The following CALCOCO2 variants were observed in gnomAD, a reference collection of about 807,000 sequenced individuals.
The protein encoded by CALCOCO2 is calcium-binding and coiled-coil domain-containing protein 2.
A neutral mutation model predicts 62.5 loss-of-function variants in CALCOCO2; 42 were observed. The ratio of observed to expected loss-of-function variants is 0.67; its 90% CI spans 0.53 to 0.87. The LOEUF is 0.87. CALCOCO2 is among the 40% of genes least tolerant of loss of function. The pLI, the probability that CALCOCO2 is intolerant of heterozygous loss-of-function variation, is 0.00. For synonymous variants in CALCOCO2, 167 were observed against 173.0 expected, an observed-to-expected ratio of 0.97 and a Z score of 0.27; for missense variants, 456 against 515.0, an observed-to-expected ratio of 0.89 and a Z score of 1.11.
chr17:48,835,605 C>G (rs550982864), intron 1 of CALCOCO2, among the ~76,000 whole-genome samples: 1 of 152,278 alleles, frequency 6.6e-6, no homozygotes, highest in South Asian at 2.1e-4. Context: ...ATGAAAATAG[C>G]TAGAATTTCC....
intron 2 of CALCOCO2, among the ~76,000 whole-genome samples, chr17:48,845,540 A>T (rs1461392084): frequency 1.3e-5 from 2 of 149,396 alleles, no homozygotes; most frequent in African/African-American, 5.1e-5. Flanking sequence ...GACCAGCCGG[A>T]CCAACATGGA....
At chr17:48,837,086 T>C (rs1483237130) in intron 1 of CALCOCO2, among the ~76,000 whole-genome samples, 2 of 152,234 alleles carry the variant, frequency 1.3e-5, no homozygotes, top group Middle Eastern at 3.4e-3. Flanking sequence ...AACACTCTTA[T>C]CTGAGTGTTC....
chr17:48,852,843 A>G, intron 8 of CALCOCO2, 83 bp from the exon 9 acceptor site: 1 of 1,137,810 alleles, frequency 8.8e-7, no homozygotes, highest in African/African-American at 1.5e-5. Flanking sequence ...CTGCTTGCTC[A>G]TTAGCTTAGC....
intron 1 of CALCOCO2, among the ~76,000 whole-genome samples, chr17:48,832,679 C>G (rs1267373266): frequency 6.6e-6 from 1 of 152,140 alleles, no homozygotes; most frequent in Non-Finnish European, 1.5e-5. Flanking sequence ...TAGCCTAGTC[C>G]CCTTTCCACC....
intron 5 of CALCOCO2, among the ~76,000 whole-genome samples, chr17:48,850,783 T>C (rs1161304346): frequency 2.0e-5 from 3 of 152,060 alleles, no homozygotes; most frequent in African/African-American, 7.2e-5. Context: ...CCAGGCGCAG[T>C]GGCTCATGCC....
At position 48,849,307 on chromosome 17, in the gene CALCOCO2, A is replaced by T. The variant is rs773271340; in HGVS notation, c.473A>T (p.Glu158Val). Reference sequence around the variant, plus strand: ...AAGGAGCTTTGCAAAGAAAACCAGGAGCTGAAGGACAGCTGTATCAGCCTC... The same window carrying T: ...AAGGAGCTTTGCAAAGAAAACCAGGTGCTGAAGGACAGCTGTATCAGCCTC... The part of the protein sequence containing the change: ...HNKELCKENQ[E>V]LKDSCISLQK... Residue 158 changes from glutamate to valine, a missense_variant, in exon 5 of 13, where the codon GAG becomes GTG. Glu to Val is a moderately radical substitution (Grantham distance 121). Around this residue, in one of 3 missense-constraint regions of CALCOCO2, gnomAD observed 236 missense variants for 225.3 expected, o/e 1.05. Coordinates refer to ENST00000258947, the MANE Select transcript of CALCOCO2 (RefSeq NM_005831.5). The T allele has an allele frequency of 2.6e-5, 42 of 1,613,546 alleles. No individual in the cohort carries two copies. The highest frequency in any genetic ancestry group is 3.3e-5 in the Non-Finnish European group (39 of 1,179,638).
In CALCOCO2 at chr17:48,862,995, A is replaced by G. The variant is rs2040349695; in HGVS notation, c.1331A>G (p.His444Arg). The G allele has an allele frequency of 6.2e-7, 1 of 1,611,562 alleles. No homozygotes were observed. The highest frequency in any genetic ancestry group is 8.5e-7 in the Non-Finnish European group (1 of 1,177,750). Residue 444 changes from histidine (H) to arginine (R), a missense_variant, in exon 13 of 13, where the codon CAC (histidine) becomes CGC (arginine). By Grantham distance (29) the His-to-Arg change is conservative (BLOSUM62 0). Coordinates refer to ENST00000258947, the MANE Select transcript of CALCOCO2 (RefSeq NM_005831.5). ...ATCTTTGAAGACCACGTGTTCTGCC[A>G]CTCTCTCTGAGTATCCCAACCTCTT... ...KQIFEDHVFC[H>R]SL
chr17:48,855,186 C>T (rs558020995), intron 9 of CALCOCO2, among the ~76,000 whole-genome samples: 7 of 152,270 alleles, frequency 4.6e-5, no homozygotes, highest in African/African-American at 1.7e-4. Flanking sequence ...AACTTAGCCA[C>T]AGGTCTCAGG....
chr17:48,846,382 A>AAGC (rs1285107184), intron 2 of CALCOCO2: 1 of 700,726 alleles, frequency 1.4e-6, no homozygotes, highest in African/African-American at 1.8e-5. Flanking sequence ...CTAAAGCAGG[A>AAGC]AGCAGTCTGC....
chr17:48,858,039 GAATAGAAAATAGAATA>G (rs2040258950), intron 10 of CALCOCO2, among the ~76,000 whole-genome samples: 2 of 21,646 alleles, frequency 9.2e-5, no homozygotes, highest in South Asian at 3.7e-3. Context: ...GAATAGAATA[GAATAGAAAATAGAATA>G]GAATAGAATA....
chr17:48,856,186 A>G lies in CALCOCO2; in HGVS notation c.1007A>G (p.Asp336Gly). The G allele has an allele frequency of 6.4e-7, 1 of 1,560,434 alleles. No individual in the cohort carries two copies. The highest frequency in any genetic ancestry group is 8.8e-7 in the Non-Finnish European group (1 of 1,132,520). Residue 336 changes from aspartate (D) to glycine (G), a missense_variant and splice_region_variant, in exon 10 of 13, where the codon GAT (aspartate) becomes GGT (glycine). By Grantham distance (94) the Asp-to-Gly change is moderately conservative. This residue lies in a region of CALCOCO2 where 172 missense variants were observed against 210.3 expected (regional missense o/e 0.82). Coordinates refer to ENST00000258947, the MANE Select transcript of CALCOCO2 (RefSeq NM_005831.5). ...RQKERLEGEN[D>G]LLKRENSRLL... ...AAAGAGAGATTGGAAGGAGAAAATGATGTAAGTGTGTGAAAGAGGGTATAA... is the reference window on the plus strand; with the variant it reads ...AAAGAGAGATTGGAAGGAGAAAATGGTGTAAGTGTGTGAAAGAGGGTATAA...
rs766882296 is a variant in CALCOCO2, at chr17:48,851,095, C to G, written c.550C>G (p.Leu184Val). The change falls in exon 6 of 13, where the codon CTA (leucine) becomes GTA (valine). Residue 184 changes from leucine to valine, a missense_variant. Around this residue, in one of 3 missense-constraint regions of CALCOCO2, gnomAD observed 236 missense variants for 225.3 expected, o/e 1.05. Transcript: ENST00000258947. ...QAELQKKQEE[L>V]ETLQSINKKL... ...ATGTTGTTTCAATCTATAGGAGGAG[C>G]TAGAAACCCTACAGAGCATCAATAA... 8 of 1,587,974 alleles carry G rather than the reference C, an allele frequency of 5.0e-6. No individual in the cohort carries two copies. Among genetic ancestry groups the G allele is most frequent in the Non-Finnish European group, 6.1e-6 (7 of 1,156,396 alleles).
intron 4 of CALCOCO2, 73 bp from the exon 5 acceptor site, chr17:48,849,179 C>A (rs2040092452): frequency 6.8e-7 from 1 of 1,473,202 alleles, no homozygotes; most frequent in East Asian, 2.3e-5. Flanking sequence ...CAGCCAGTCC[C>A]TCACCATCCT....
In CALCOCO2 at chr17:48,860,030, G is replaced by T. The variant is rs553090174; in HGVS notation, c.1009-284G>T. ...AATCACTTGAACCTGGGAGACGGAG[G>T]TTGCAGTGAGCCGAGATGGTGCCAC... On this transcript the variant is annotated intron_variant, in intron 10 of 12. Transcript: ENST00000258947. 1.4e-4 allele frequency among the ~76,000 whole-genome samples: 21 copies of T among 152,304 alleles called. No individual in the cohort carries two copies. The East Asian group carries it at 4.0e-3, about 29-fold the overall frequency.
In CALCOCO2 at chr17:48,862,911, A is replaced by G; in HGVS notation, c.1247A>G (p.Gln416Arg). Reference sequence around the variant, plus strand: ...CACACCTTGGAGCAACAGCAGATGCAGCCCCTTTGTTTCAATTGTCCAATT... The same window carrying G: ...CACACCTTGGAGCAACAGCAGATGCGGCCCCTTTGTTTCAATTGTCCAATT... ...CDHTLEQQQM[Q>R]PLCFNCPICD... Residue 416 changes from glutamine (Q) to arginine (R), a missense_variant, in exon 13 of 13, where the codon CAG (glutamine) becomes CGG (arginine). Gln to Arg is a conservative substitution (Grantham distance 43). Coordinates refer to ENST00000258947, the MANE Select transcript of CALCOCO2 (RefSeq NM_005831.5). 1 of 1,613,802 alleles carries G rather than the reference A, an allele frequency of 6.2e-7. No homozygotes were observed. The highest frequency in any genetic ancestry group is 8.5e-7 in the Non-Finnish European group (1 of 1,179,642).
intron 4 of CALCOCO2, chr17:48,848,664 T>C: frequency 1.6e-6 from 1 of 612,722 alleles, no homozygotes. Context: ...TTCTAAAACT[T>C]CTTTAACTCA....
At position 48,848,649 on chromosome 17, in the gene CALCOCO2, T is replaced by C; in HGVS notation, c.417+194T>C. 4 of 629,738 alleles carry C rather than the reference T, an allele frequency of 6.4e-6. 1 individual carries two copies. The highest frequency in any genetic ancestry group is 3.7e-5 in the South Asian group (2 of 53,386). 39.0% of individuals were successfully genotyped at this position (629,738 alleles called of 1,614,324 possible). Reference sequence around the variant, plus strand: ...AAGACTCATAACAATAAGTGGTTTCTTCTTTTCTAAAACTTCTTTAACTCA... The same window carrying C: ...AAGACTCATAACAATAAGTGGTTTCCTCTTTTCTAAAACTTCTTTAACTCA... On this transcript the variant is annotated intron_variant, in intron 4 of 12. Transcript: ENST00000258947.
chr17:48,847,490 CCTT>C (rs2040068072), intron 2 of CALCOCO2, among the ~76,000 whole-genome samples: 1 of 152,026 alleles, frequency 6.6e-6, no homozygotes, highest in Non-Finnish European at 1.5e-5. Flanking sequence ...GTTTTCAAAT[CCTT>C]CTAAGACTTG....
chr17:48,853,150 A>G (rs2040158610), intron 9 of CALCOCO2, 138 bp downstream of exon 9: 2 of 616,732 alleles, frequency 3.2e-6, no homozygotes, highest in Non-Finnish European at 5.8e-6. Context: ...TCTAGCCAAA[A>G]GGACAGAGAA....
Sources: gnomAD v4.1 joint callset for allele counts (sites outside exome capture counted in the v4.1 genomes callset) on GRCh38, gnomAD v4.1.1 for gene constraint, gnomAD v4.1.1 regional missense constraint, MANE v1.5 for transcripts, NCBI Gene and HGNC (gene_info 2026-07-23, HGNC 2026-07-21) for gene names.